The following CCNQ variants were observed in gnomAD, a reference collection of about 807,000 sequenced individuals.
CCNQ encodes cyclin Q.
Under a neutral mutation model 17.7 loss-of-function variants are expected in CCNQ, and 3 were observed. The ratio of observed to expected loss-of-function variants is 0.17; its 90% CI spans 0.08 to 0.44. The LOEUF is 0.44. Among genes scored for constraint, CCNQ ranks in the 20% least tolerant of loss-of-function variants. The pLI is 0.99. For synonymous variants in CCNQ, 73 were observed against 96.0 expected, an observed-to-expected ratio of 0.76 and a Z score of 1.40; for missense variants, 146 against 222.6, an observed-to-expected ratio of 0.66 and a Z score of 2.19.
chrX:153,595,910 A>C, intron 2 of CCNQ, 94 bp downstream of exon 2: 1 of 1,053,130 alleles, frequency 9.5e-7, no homozygotes, highest in Non-Finnish European at 1.3e-6. Context: ...TCCAAGCTCC[A>C]TTGCTGGCAC....
chrX:153,594,077 G>T (rs782398442), intron 3 of CCNQ, among the ~76,000 whole-genome samples: 4 of 112,901 alleles, frequency 3.5e-5, no homozygotes, highest in African/African-American at 1.3e-4. Context: ...CACATTCCTA[G>T]AAGTTAAAGC....
intron 3 of CCNQ, among the ~76,000 whole-genome samples, chrX:153,594,090 G>A (rs1480836123): frequency 4.4e-5 from 5 of 113,010 alleles, no homozygotes; most frequent in Non-Finnish European, 9.4e-5. Context: ...GTTAAAGCAT[G>A]CTGCTTGACT....
chrX:153,594,033 C>T (rs1401531676), intron 3 of CCNQ, among the ~76,000 whole-genome samples: 2 of 113,171 alleles, frequency 1.8e-5, no homozygotes, highest in African/African-American at 6.4e-5. Flanking sequence ...TTCCCTTTTA[C>T]TGCTGTTTGA....
chrX:153,596,552 C>T (rs782138709), intron 1 of CCNQ, among the ~76,000 whole-genome samples: 79 of 112,698 alleles, frequency 7.0e-4, no homozygotes, highest in African/African-American at 2.3e-3. Context: ...TTCTGCAAAA[C>T]CCTGGAAAAG....
intron 1 of CCNQ, 45 bp downstream of exon 1, chrX:153,598,917 C>T: frequency 2.0e-6 from 2 of 976,540 alleles, no homozygotes; most frequent in Non-Finnish European, 2.7e-6. Context: ...CTCCGCGAAG[C>T]GGGCCGCGGC....
rs1447526273 is a variant in CCNQ, at chrX:153,599,138, G to T, written c.-65C>A. 4 of 546,732 alleles carry T rather than the reference G, an allele frequency of 7.3e-6. No homozygotes were observed. The African/African-American group carries it at 1.0e-4, about 14-fold the overall frequency. 45.1% of individuals were successfully genotyped at this position (546,732 alleles called of 1,213,427 possible). A position where few individuals can be genotyped will look rare whatever the true frequency, so the allele number is the denominator to read the frequency against. The stretch of plus-strand genomic sequence containing the variant: ...CGCGCAGAAGCCGGCAGAACTGGAG[G>T]TGCTCGCGGCGGGCGCTGCCGCCCC... On this transcript the variant is annotated 5_prime_UTR_variant, in exon 1 of 5. Coordinates refer to ENST00000576892, the MANE Select transcript of CCNQ (RefSeq NM_152274.5).
chrX:153,598,319 G>A, intron 1 of CCNQ, among the ~76,000 whole-genome samples: 1 of 111,619 alleles, frequency 9.0e-6, no homozygotes, highest in South Asian at 3.8e-4. Flanking sequence ...GGAAGCGTGA[G>A]GAAGGATAAT....
intron 1 of CCNQ, among the ~76,000 whole-genome samples, chrX:153,598,157 T>A (rs1224957828): frequency 9.0e-6 from 1 of 111,312 alleles, no homozygotes; most frequent in African/African-American, 3.3e-5. Context: ...AGCTCACGCC[T>A]GTAATCCCAG....
At chrX:153,596,887 T>C (rs1417390482) in intron 1 of CCNQ, among the ~76,000 whole-genome samples, 1 of 112,479 alleles carries the variant, frequency 8.9e-6, no homozygotes, top group Non-Finnish European at 1.9e-5. Context: ...CCCAGCACTT[T>C]GGGAGGCTGA....
chrX:153,598,756 G>C (rs2091045535), intron 1 of CCNQ, among the ~76,000 whole-genome samples: 1 of 113,393 alleles, frequency 8.8e-6, no homozygotes, highest in Admixed American at 9.2e-5. Flanking sequence ...CCTAGGGCCT[G>C]CACACCGGTC....
intron 4 of CCNQ, among the ~76,000 whole-genome samples, chrX:153,592,262 C>T (rs989033697): frequency 2.7e-5 from 3 of 112,967 alleles, no homozygotes; most frequent in African/African-American, 6.4e-5. Context: ...ACCCTCCTCC[C>T]GGGACACCGG....
At chrX:153,596,312 G>T in intron 1 of CCNQ, 125 bp from the exon 2 acceptor site, 1 of 751,483 alleles carries the variant, frequency 1.3e-6, no homozygotes, top group Non-Finnish European at 2.0e-6. Context: ...AGAACTTCCA[G>T]CAGAGCCAGT....
chrX:153,594,687 G>A lies in CCNQ; in HGVS notation c.297-8C>T. 8.3e-7 allele frequency: 1 copy of A among 1,211,793 alleles called. No individual in the cohort carries two copies. The highest frequency in any genetic ancestry group is 1.1e-6 in the Non-Finnish European group (1 of 895,440). Reference sequence around the variant, plus strand: ...CCGCTTGGGTTAAAGTACCTGCGCAGAGAAATGGCAATGCTTCAGCAGCCA... The same window carrying A: ...CCGCTTGGGTTAAAGTACCTGCGCAAAGAAATGGCAATGCTTCAGCAGCCA... On this transcript the variant is annotated splice_region_variant and splice_polypyrimidine_tract_variant and intron_variant, in intron 2 of 4. Coordinates refer to ENST00000576892, the MANE Select transcript of CCNQ (RefSeq NM_152274.5).
At chrX:153,594,779 A>C in intron 2 of CCNQ, 100 bp from the exon 3 acceptor site, 1 of 917,827 alleles carries the variant, frequency 1.1e-6, no homozygotes, top group Non-Finnish European at 1.6e-6. Context: ...TGCAAACTAC[A>C]TCGTCCATCT....
intron 4 of CCNQ, among the ~76,000 whole-genome samples, chrX:153,590,257 A>AAAAG (rs2090982220): frequency 9.7e-6 from 1 of 103,358 alleles, no homozygotes; most frequent in East Asian, 3.0e-4. Context: ...AAAAAAAAAA[A>AAAAG]GCAAGGCCAA....
chrX:153,589,643 C>T (rs1557025335), intron 4 of CCNQ, among the ~76,000 whole-genome samples: 2 of 112,628 alleles, frequency 1.8e-5, no homozygotes, highest in Non-Finnish European at 1.9e-5. Flanking sequence ...GAGCTTGCTG[C>T]CTGGGGAACC....
chrX:153,590,497 T>C (rs781837296), intron 4 of CCNQ, among the ~76,000 whole-genome samples: 2 of 110,262 alleles, frequency 1.8e-5, no homozygotes, highest in Admixed American at 9.7e-5. Context: ...CAGTGGAAGG[T>C]TGGGTGCCAG....
At chrX:153,590,039 C>T (rs1300642077) in intron 4 of CCNQ, among the ~76,000 whole-genome samples, 2 of 108,689 alleles carry the variant, frequency 1.8e-5, no homozygotes, top group Non-Finnish European at 3.8e-5. Context: ...ATCAGCCTGG[C>T]CAACATGGTG....
chrX:153,598,078 G>T (rs187994511), intron 1 of CCNQ, among the ~76,000 whole-genome samples: 2 of 111,199 alleles, frequency 1.8e-5, no homozygotes, highest in East Asian at 2.8e-4. Context: ...AAGCAGTAAA[G>T]GTAGGAAATA....
Sources: gnomAD v4.1 joint callset for allele counts (sites outside exome capture counted in the v4.1 genomes callset) on GRCh38, gnomAD v4.1.1 for gene constraint, MANE v1.5 for transcripts, NCBI Gene and HGNC (gene_info 2026-07-23, HGNC 2026-07-21) for gene names.